The following CYP46A1 variants were observed in gnomAD, a reference collection of about 807,000 sequenced individuals.
The protein encoded by CYP46A1 is cytochrome P450 family 46 subfamily A member 1.
CYP46A1 carries 20 observed loss-of-function variants against 63.3 expected under a neutral mutation model. The ratio of observed to expected loss-of-function variants is 0.32; its 90% confidence interval spans 0.22 to 0.46. The LOEUF (loss-of-function observed/expected upper bound fraction) is 0.46. Among genes scored for constraint, CYP46A1 ranks in the 20% least tolerant of loss-of-function variants. The pLI, the probability that CYP46A1 is intolerant of heterozygous loss-of-function variation, is 1.00. For missense variants in CYP46A1, 445 were observed against 670.8 expected, an observed-to-expected ratio of 0.66 and a Z score of 3.72; for synonymous variants, 268 against 273.6, an observed-to-expected ratio of 0.98 and a Z score of 0.20.
chr14:99,720,890 G>A (rs2056839947), intron 10 of CYP46A1, among the ~76,000 whole-genome samples: 1 of 151,038 alleles, frequency 6.6e-6, no homozygotes, highest in Non-Finnish European at 1.5e-5. Flanking sequence ...TTCAAGACCA[G>A]CCTGGCCAAC....
chr14:99,721,557 A>G (rs1265905704), intron 11 of CYP46A1, among the ~76,000 whole-genome samples: 2 of 152,158 alleles, frequency 1.3e-5, no homozygotes, highest in Non-Finnish European at 2.9e-5. Context: ...GCCCTTTAGT[A>G]AATGGTGCCG....
intron 10 of CYP46A1, among the ~76,000 whole-genome samples, chr14:99,719,604 T>C (rs1266870676): frequency 6.6e-6 from 1 of 151,884 alleles, no homozygotes; most frequent in Middle Eastern, 3.2e-3. Context: ...ACCATTCCAC[T>C]TCTGTCTCTG....
At position 99,723,534 on chromosome 14, in the gene CYP46A1, C is replaced by A. The variant is rs377388777; in HGVS notation, c.1176+1468C>A. 7.5e-4 allele frequency among the ~76,000 whole-genome samples: 115 copies of A among 152,330 alleles called. 3 individuals are homozygous for A. The South Asian group carries it at 0.015, about 20-fold the overall frequency. ...AGGTTGGCCAGGCTATTCTCAAACT[C>A]CTGACCTCAAGTGATCCACCTGCCT... On this transcript the variant is annotated intron_variant, in intron 12 of 14. Transcript: ENST00000261835.
chr14:99,691,719 G>A, intron 2 of CYP46A1, 61 bp from the exon 3 acceptor site: 2 of 1,482,524 alleles, frequency 1.3e-6, no homozygotes, highest in Non-Finnish European at 1.9e-6. Context: ...AGCTGGGCGG[G>A]GTTGGTGATG....
intron 2 of CYP46A1, 141 bp downstream of exon 2, chr14:99,691,302 T>A: frequency 1.3e-6 from 1 of 788,338 alleles, no homozygotes; most frequent in Non-Finnish European, 2.1e-6. Flanking sequence ...CTCCCCTGAG[T>A]GGAGGCAGGT....
chr14:99,699,601 C>A, intron 4 of CYP46A1, 62 bp downstream of exon 4: 1 of 1,540,432 alleles, frequency 6.5e-7, no homozygotes, highest in Non-Finnish European at 9.0e-7. Flanking sequence ...TGAGTGAGGG[C>A]CAGTGCGGTC....
chr14:99,716,805 G>A (rs889678716), intron 9 of CYP46A1, among the ~76,000 whole-genome samples: 1 of 152,160 alleles, frequency 6.6e-6, no homozygotes, highest in African/African-American at 2.4e-5. Flanking sequence ...GTTCTCCTGG[G>A]GCCCAGTGTG....
Position 99,725,502 on chromosome 14 carries a change from C to A in CYP46A1, c.1265+23C>A. On this transcript the variant is annotated intron_variant, in intron 13 of 14. Coordinates refer to ENST00000261835, the MANE Select transcript of CYP46A1 (RefSeq NM_006668.2). This position sits in a 1 kb window ranked among gnomAD's most constrained non-coding sequence, Gnocchi z 4.2. The stretch of plus-strand genomic sequence containing the variant: ...CAAGTAAGTCCCTCCTGGAGCTGCC[C>A]ATGAGTGGGGCTGGCGGGAGAAGGA... The A allele has an allele frequency of 1.3e-6, 2 of 1,582,974 alleles. No individual in the cohort carries two copies. Among genetic ancestry groups the A allele is most frequent in the Non-Finnish European group, 1.7e-6 (2 of 1,151,686 alleles).
intron 5 of CYP46A1, chr14:99,703,875 G>T (rs555124062): frequency 1.0e-6 from 1 of 985,176 alleles, no homozygotes; most frequent in African/African-American, 1.7e-5. Flanking sequence ...CTGGAAAGTT[G>T]TCAGAAGTGA....
rs191308029 is a variant in CYP46A1 at position 99,726,473 on chromosome 14, C to A, written c.1333-84C>A. ...TCTCACAGGCTCTCCAGGAGGAGAG[C>A]CGGCTGTGACATTTGCTGCTCATTC... On this transcript the variant is annotated intron_variant, in intron 14 of 14. Coordinates refer to ENST00000261835, the MANE Select transcript of CYP46A1 (RefSeq NM_006668.2). 2.7e-4 allele frequency: 369 copies of A among 1,358,626 alleles called. 2 individuals are homozygous for A. The African/African-American group carries it at 4.6e-3, about 17-fold the overall frequency. The allele number at this position is 1,358,626 out of a possible 1,614,324, so 84.2% of individuals were successfully genotyped here.
At chr14:99,692,702 C>T (rs1243785725) in intron 3 of CYP46A1, among the ~76,000 whole-genome samples, 7 of 151,666 alleles carry the variant, frequency 4.6e-5, no homozygotes, top group African/African-American at 2.4e-5. Context: ...TGGTGGTGGG[C>T]GCCTGTAATC....
rs779723628 is a variant in CYP46A1, at chr14:99,726,623, C to A, written c.1399C>A (p.Arg467Ser). 2.2e-5 allele frequency: 35 copies of A among 1,570,284 alleles called. No individual in the cohort carries two copies. The highest frequency in any genetic ancestry group is 2.9e-5 in the Non-Finnish European group (34 of 1,160,248). Residue 467 changes from arginine to serine, a missense_variant, in exon 15 of 15, where the codon CGC (arginine) becomes AGC (serine). Physicochemically the swap from Arg to Ser is moderately radical, Grantham distance 110. Coordinates refer to ENST00000261835, the MANE Select transcript of CYP46A1 (RefSeq NM_006668.2). ...GGAGTTCCGGCTGGTGCCCGGGCAG[C>A]GCTTCGGGCTGCAGGAGCAGGCCAC... is the stretch of plus-strand genomic sequence containing the variant. ...RLEFRLVPGQ[R>S]FGLQEQATLK...
At chr14:99,691,376 A>C in intron 2 of CYP46A1, 1 of 600,834 alleles carries the variant, frequency 1.7e-6, no homozygotes, top group Non-Finnish European at 3.0e-6. Flanking sequence ...CAGCCGTCAG[A>C]AGCTCTCTGA....
In CYP46A1 at chr14:99,700,024, C is replaced by T. The variant is rs1161710087; in HGVS notation, c.366C>T (p.Gly122=). 1 of 1,506,012 alleles carries T rather than the reference C, an allele frequency of 6.6e-7. No individual in the cohort carries two copies. Among genetic ancestry groups the T allele is most frequent in the South Asian group, 1.1e-5 (1 of 89,116 alleles). The allele number at this position is 1,506,012 out of a possible 1,614,324, so 93.3% of individuals were successfully genotyped here. A position where few individuals can be genotyped will look rare whatever the true frequency, so the allele number is the denominator to read the frequency against. The change falls in exon 5 of 15, where the codon GGC becomes GGT. Residue 122 remains glycine, a synonymous_variant. Coordinates refer to ENST00000261835, the MANE Select transcript of CYP46A1 (RefSeq NM_006668.2). ...TGTGTGTCTCCTACAGACTCTTCGG[C>T]CAAGGCTTGGTGTCCGAATGCAACT... The part of the protein sequence containing the change: ...LQTVFGERLF[G]QGLVSECNYE...
At chr14:99,720,557 C>G (rs1030519082) in intron 10 of CYP46A1, among the ~76,000 whole-genome samples, 23 of 148,310 alleles carry the variant, frequency 1.6e-4, no homozygotes, top group African/African-American at 5.7e-4. Flanking sequence ...CTCCCAGATT[C>G]ATGTGATTCT....
chr14:99,724,099 C>T (rs1229710141), intron 12 of CYP46A1, among the ~76,000 whole-genome samples: 1 of 152,164 alleles, frequency 6.6e-6, no homozygotes, highest in African/African-American at 2.4e-5. Flanking sequence ...CTAATCTCCT[C>T]TTATAAGGAC....
At position 99,699,447 on chromosome 14, in the gene CYP46A1, G is replaced by T. The variant is rs956587970; in HGVS notation, c.283-19G>T. 3.1e-6 allele frequency: 5 copies of T among 1,613,634 alleles called. No homozygotes were observed. The African/African-American group carries it at 4.0e-5, about 13-fold the overall frequency. ...CTCATGGGTGCATGAGCCTATGTTGGTTTTTTGGGGATATTTAGAAGTTCC... is the reference window on the plus strand; with the variant it reads ...CTCATGGGTGCATGAGCCTATGTTGTTTTTTTGGGGATATTTAGAAGTTCC... On this transcript the variant is annotated intron_variant, in intron 3 of 14. Coordinates refer to ENST00000261835, the MANE Select transcript of CYP46A1 (RefSeq NM_006668.2).
At chr14:99,704,901 C>T (rs1183092642) in intron 5 of CYP46A1, among the ~76,000 whole-genome samples, 1 of 151,984 alleles carries the variant, frequency 6.6e-6, no homozygotes, top group Non-Finnish European at 1.5e-5. Context: ...GGTGAGTGCT[C>T]CAGGAGAGGG....
At chr14:99,711,510 T>C (rs2056732042) in intron 7 of CYP46A1, 1 of 151,866 alleles carries the variant, frequency 6.6e-6, no homozygotes, top group South Asian at 2.1e-4. Context: ...CACTATACAC[T>C]AACGATTGGA....
Sources: gnomAD v4.1 joint callset for allele counts (sites outside exome capture counted in the v4.1 genomes callset) on GRCh38, gnomAD v4.1.1 for gene constraint, Gnocchi (gnomAD v3.1) non-coding constraint, MANE v1.5 for transcripts, NCBI Gene and HGNC (gene_info 2026-07-23, HGNC 2026-07-21) for gene names.